Variants in SEMG1 observed in about 807,000 individuals in gnomAD.
The protein encoded by SEMG1 is semenogelin-1.
A neutral mutation model predicts 8.8 loss-of-function variants in SEMG1; 6 were observed. The ratio of observed to expected loss-of-function variants is 0.68; its 90% CI spans 0.37 to 1.35. The LOEUF is 1.35. Ranked by LOEUF, SEMG1 falls within the 40% of genes most tolerant of loss-of-function variation. The probability of loss-of-function intolerance (pLI) is 0.02; values close to 1 mark genes in which losing one functional copy is unlikely to be tolerated. For missense variants in SEMG1, 580 were observed against 533.6 expected, an observed-to-expected ratio of 1.09 and a Z score of -0.86; for synonymous variants, 221 against 190.3, an observed-to-expected ratio of 1.16 and a Z score of -1.33.
At position 45,208,546 on chromosome 20, in the gene SEMG1, C is replaced by A; in HGVS notation, c.1249C>A (p.Leu417Ile). Residue 417 changes from leucine to isoleucine, a missense_variant, in exon 2 of 3, where the codon CTA (leucine) becomes ATA (isoleucine). Coordinates refer to ENST00000372781, the MANE Select transcript of SEMG1 (RefSeq NM_003007.5). Reference protein sequence around the residue: ...SGQSTNREQDLLSHEQKGRHQ... With the variant: ...SGQSTNREQDILSHEQKGRHQ... ...CCAATCTACAAATAGAGAACAAGAC[C>A]TACTCAGTCATGAACAAAAAGGCAG... 6 of 1,613,946 alleles carry A rather than the reference C, an allele frequency of 3.7e-6. No homozygotes were observed. Among genetic ancestry groups the A allele is most frequent in the Non-Finnish European group, 5.1e-6 (6 of 1,179,916 alleles).
In SEMG1 at chr20:45,209,680, T is replaced by TGTC. The variant is rs1983800810; in HGVS notation, c.*125_*126insTCG. The TGTC allele has an allele frequency of 1.3e-5, 2 of 152,324 alleles. No individual in the cohort carries two copies. The highest frequency in any genetic ancestry group is 4.1e-4 in the South Asian group (2 of 4,828). The allele number at this position is 152,324 out of a possible 1,614,324, so 9.4% of individuals were successfully genotyped here. On this transcript the variant is annotated 3_prime_UTR_variant, in exon 3 of 3. Transcript: ENST00000372781. Reference sequence around the variant, plus strand: ...TAGTTTCAGATTCTTGGTCCATGGATGACACCACCTGCCCATGCTTCCTTG... The same window carrying TGTC: ...TAGTTTCAGATTCTTGGTCCATGGATGTCGACACCACCTGCCCATGCTTCCTTG...
chr20:45,208,386 T>C lies in SEMG1; in HGVS notation c.1089T>C (p.Asn363=), dbSNP rs1983761894. 1 of 1,613,058 alleles carries C rather than the reference T, an allele frequency of 6.2e-7. No homozygotes were observed. Among genetic ancestry groups the C allele is most frequent in the Admixed American group, 1.7e-5 (1 of 59,910 alleles). The part of the protein sequence containing the change: ...TEERRLHYGE[N]GVQKDVSQRS... ...AAAGACGACTCCACTATGGAGAAAA[T>C]GGTGTGCAGAAAGATGTATCCCAAC... The change falls in exon 2 of 3, where the codon AAT becomes AAC. Residue 363 remains asparagine, a synonymous_variant. Coordinates refer to ENST00000372781, the MANE Select transcript of SEMG1 (RefSeq NM_003007.5).
Position 45,207,687 on chromosome 20 carries a change from T to C in SEMG1, c.390T>C (p.His130=), listed in dbSNP as rs1474784120. 4 of 1,613,754 alleles carry C rather than the reference T, an allele frequency of 2.5e-6. No individual in the cohort carries two copies. The African/African-American group carries it at 5.3e-5, about 22-fold the overall frequency. Residue 130 remains histidine (H), a synonymous_variant, in exon 2 of 3, where the codon CAT becomes CAC. Coordinates refer to ENST00000372781, the MANE Select transcript of SEMG1 (RefSeq NM_003007.5). Reference sequence around the variant, plus strand: ...ATTTTCACAGGGTAGTTATACACCATAAAGGAGGCAAAGCTCATCGTGGGA... The same window carrying C: ...ATTTTCACAGGGTAGTTATACACCACAAAGGAGGCAAAGCTCATCGTGGGA... The part of the protein sequence containing the change: ...KGHFHRVVIH[H]KGGKAHRGTQ...
chr20:45,208,161 C>T lies in SEMG1; in HGVS notation c.864C>T (p.Tyr288=), dbSNP rs1983751238. 1 of 1,614,006 alleles carries T rather than the reference C, an allele frequency of 6.2e-7. No individual in the cohort carries two copies. The highest frequency in any genetic ancestry group is 8.5e-7 in the Non-Finnish European group (1 of 1,179,982). ...QHGRKANKIS[Y]QSSSTEERRL... ...GCCGAAAGGCAAATAAAATATCATA[C>T]CAATCTTCAAGTACAGAAGAAAGAC... The change falls in exon 2 of 3, where the codon TAC becomes TAT. Residue 288 remains tyrosine (Y), a synonymous_variant. Transcript: ENST00000372781.
rs569714634 is a variant in SEMG1 at position 45,207,293 on chromosome 20, G to A, written c.77-81G>A. 16 of 1,450,098 alleles carry A rather than the reference G, an allele frequency of 1.1e-5. No homozygotes were observed. The African/African-American group carries it at 1.4e-4, about 13-fold the overall frequency. 89.8% of individuals were successfully genotyped at this position (1,450,098 alleles called of 1,614,324 possible). A position where few individuals can be genotyped will look rare whatever the true frequency, so the allele number is the denominator to read the frequency against. On this transcript the variant is annotated intron_variant, in intron 1 of 2. Coordinates refer to ENST00000372781, the MANE Select transcript of SEMG1 (RefSeq NM_003007.5). ...GCTTTTCTAGAAATATCAATAATTTGTTGGGGGAAAAGTGGGGGGTAAGAG... is the reference window on the plus strand; with the variant it reads ...GCTTTTCTAGAAATATCAATAATTTATTGGGGGAAAAGTGGGGGGTAAGAG...
At position 45,208,146 on chromosome 20, in the gene SEMG1, A is replaced by G. The variant is rs1481607506; in HGVS notation, c.849A>G (p.Ala283=). The part of the protein sequence containing the change: ...LNQDQQHGRK[A]NKISYQSSST... ...AAGATCAACAGCATGGCCGAAAGGC[A>G]AATAAAATATCATACCAATCTTCAA... The change falls in exon 2 of 3, where the codon GCA becomes GCG. Residue 283 remains alanine (A), a synonymous_variant. Transcript: ENST00000372781. The G allele has an allele frequency of 2.5e-6, 4 of 1,614,022 alleles. No homozygotes were observed. The highest frequency in any genetic ancestry group is 1.7e-5 in the Admixed American group (1 of 59,972).
intron 2 of SEMG1, 144 bp downstream of exon 2, chr20:45,208,874 C>T (rs548428677): frequency 6.0e-6 from 3 of 496,732 alleles, no homozygotes; most frequent in African/African-American, 3.9e-5. Context: ...ATGAGCCTCC[C>T]CATTCCCTGG....
rs1046123415 is a variant in SEMG1 at position 45,207,135 on chromosome 20, T to C, written c.76+6T>C. ...AGCTGTGATGGGACAAAAAGGTGAGTGGAGAGGGTAAGCCTTGGGGAAAGC... is the reference window on the plus strand; with the variant it reads ...AGCTGTGATGGGACAAAAAGGTGAGCGGAGAGGGTAAGCCTTGGGGAAAGC... On this transcript the variant is annotated splice_donor_region_variant and intron_variant, in intron 1 of 2. Coordinates refer to ENST00000372781, the MANE Select transcript of SEMG1 (RefSeq NM_003007.5). The C allele has an allele frequency of 2.5e-6, 4 of 1,613,262 alleles. No homozygotes were observed. Among genetic ancestry groups the C allele is most frequent in the Admixed American group, 3.3e-5 (2 of 59,900 alleles).
chr20:45,208,150 A>T lies in SEMG1; in HGVS notation c.853A>T (p.Lys285Ter). Residue 285 changes from lysine to a stop codon, truncating the protein, a stop_gained, in exon 2 of 3, where the codon AAA (lysine) becomes TAA (stop). Coordinates refer to ENST00000372781, the MANE Select transcript of SEMG1 (RefSeq NM_003007.5). LOFTEE classifies it low-confidence loss of function (END_TRUNC). ...QDQQHGRKAN[K>*]ISYQSSSTEE... ...TCAACAGCATGGCCGAAAGGCAAAT[A>T]AAATATCATACCAATCTTCAAGTAC... 6.2e-7 allele frequency: 1 copy of T among 1,614,140 alleles called. No individual in the cohort carries two copies. Among genetic ancestry groups the T allele is most frequent in the Non-Finnish European group, 8.5e-7 (1 of 1,180,016 alleles).
Position 45,208,075 on chromosome 20 carries a change from C to G in SEMG1, c.778C>G (p.Leu260Val). The G allele has an allele frequency of 6.2e-7, 1 of 1,614,012 alleles. No individual in the cohort carries two copies. Among genetic ancestry groups the G allele is most frequent in the Non-Finnish European group, 8.5e-7 (1 of 1,179,956 alleles). ...SKDIFSTQDE[L>V]LVYNKNQHQT... ...AGACATTTTTTCTACCCAAGATGAG[C>G]TCCTAGTATATAACAAGAATCAACA... is the stretch of plus-strand genomic sequence containing the variant. Residue 260 changes from leucine to valine, a missense_variant, in exon 2 of 3, where the codon CTC becomes GTC. Transcript: ENST00000372781.
In SEMG1 at chr20:45,208,088, A is replaced by T; in HGVS notation, c.791A>T (p.Asn264Ile). 1 of 1,614,162 alleles carries T rather than the reference A, an allele frequency of 6.2e-7. No individual in the cohort carries two copies. Among genetic ancestry groups the T allele is most frequent in the South Asian group, 1.1e-5 (1 of 91,078 alleles). ...FSTQDELLVYNKNQHQTKNLN... is the reference protein window; with the variant it reads ...FSTQDELLVYIKNQHQTKNLN... ...ACCCAAGATGAGCTCCTAGTATATA[A>T]CAAGAATCAACACCAGACAAAAAAT... Residue 264 changes from asparagine (N) to isoleucine (I), a missense_variant, in exon 2 of 3, where the codon AAC becomes ATC. Transcript: ENST00000372781.
At chr20:45,208,769 A>G (rs1983778472) in intron 2 of SEMG1, 39 bp downstream of exon 2, 2 of 926,074 alleles carry the variant, frequency 2.2e-6, no homozygotes, top group Non-Finnish European at 1.7e-6. Context: ...TATCTCTCTC[A>G]TTGTTTAGAA....
intron 1 of SEMG1, 113 bp from the exon 2 acceptor site, chr20:45,207,261 A>G: frequency 6.8e-7 from 1 of 1,472,250 alleles, no homozygotes; most frequent in Non-Finnish European, 9.2e-7. Context: ...CTCCACCCAA[A>G]GCTTCAGCTT....
At position 45,208,455 on chromosome 20, in the gene SEMG1, T is replaced by C; in HGVS notation, c.1158T>C (p.Ser386=). The C allele has an allele frequency of 6.2e-7, 1 of 1,613,980 alleles. No homozygotes were observed. Among genetic ancestry groups the C allele is most frequent in the Non-Finnish European group, 8.5e-7 (1 of 1,179,970 alleles). ...CTGAAAAGCTAGTAGCAGGCAAGTC[T>C]CAAATCCAGGCACCAAATCCTAAGC... ...SQTEKLVAGK[S]QIQAPNPKQE... is the part of the protein sequence containing the mutation. The change falls in exon 2 of 3, where the codon TCT becomes TCC. Residue 386 remains serine (S), a synonymous_variant. Transcript: ENST00000372781.
In SEMG1 at chr20:45,207,820, C is replaced by A. The variant is rs1033416573; in HGVS notation, c.523C>A (p.Gln175Lys). ...GTGGGTTCATGGACTAAGTAAAGAA[C>A]AAACTTCCGTCTCTGGTGCACAAAA... is the stretch of plus-strand genomic sequence containing the variant. ...RLWVHGLSKE[Q>K]TSVSGAQKGR... is the part of the protein sequence containing the mutation. The change falls in exon 2 of 3, where the codon CAA becomes AAA. Residue 175 changes from glutamine (Q) to lysine (K), a missense_variant. Transcript: ENST00000372781. 13 of 1,613,852 alleles carry A rather than the reference C, an allele frequency of 8.1e-6. No homozygotes were observed. Among genetic ancestry groups the A allele is most frequent in the Non-Finnish European group, 1.0e-5 (12 of 1,179,950 alleles).
In SEMG1 at chr20:45,208,591, G is replaced by A; in HGVS notation, c.1294G>A (p.Gly432Arg). The A allele has an allele frequency of 6.2e-7, 1 of 1,613,952 alleles. No homozygotes were observed. The highest frequency in any genetic ancestry group is 8.5e-7 in the Non-Finnish European group (1 of 1,179,854). ...AGGCAGACACCAACATGGATCTCAT[G>A]GGGGATTGGATATTGTAATTATAGA... ...QKGRHQHGSH[G>R]GLDIVIIEQE... is the part of the protein sequence containing the mutation. The change falls in exon 2 of 3, where the codon GGG becomes AGG. Residue 432 changes from glycine to arginine, a missense_variant. Coordinates refer to ENST00000372781, the MANE Select transcript of SEMG1 (RefSeq NM_003007.5).
intron 1 of SEMG1, 59 bp from the exon 2 acceptor site, chr20:45,207,315 A>C: frequency 6.8e-7 from 1 of 1,465,806 alleles, no homozygotes; most frequent in Non-Finnish European, 9.3e-7. Flanking sequence ...GTGGGGGGTA[A>C]GAGTTGTAAG....
Position 45,208,081 on chromosome 20 carries a change from G to C in SEMG1, c.784G>C (p.Val262Leu). 6.2e-7 allele frequency: 1 copy of C among 1,613,932 alleles called. No individual in the cohort carries two copies. The highest frequency in any genetic ancestry group is 8.5e-7 in the Non-Finnish European group (1 of 1,179,936). The change falls in exon 2 of 3, where the codon GTA becomes CTA. Residue 262 changes from valine (V) to leucine (L), a missense_variant. Val to Leu is a conservative substitution (Grantham distance 32, BLOSUM62 1). Transcript: ENST00000372781. ...DIFSTQDELL[V>L]YNKNQHQTKN... ...TTTTTCTACCCAAGATGAGCTCCTAGTATATAACAAGAATCAACACCAGAC... is the reference window on the plus strand; with the variant it reads ...TTTTTCTACCCAAGATGAGCTCCTACTATATAACAAGAATCAACACCAGAC...
chr20:45,207,397 A>C lies in SEMG1; in HGVS notation c.100A>C (p.Ser34Arg), dbSNP rs1232335088. 1.2e-6 allele frequency: 2 copies of C among 1,611,334 alleles called. No homozygotes were observed. The highest frequency in any genetic ancestry group is 1.7e-5 in the Admixed American group (1 of 59,484). Residue 34 changes from serine to arginine, a missense_variant, in exon 2 of 3, where the codon AGT becomes CGT. Coordinates refer to ENST00000372781, the MANE Select transcript of SEMG1 (RefSeq NM_003007.5). ...QKGGSKGRLP[S>R]EFSQFPHGQK... is the part of the protein sequence containing the mutation. Reference sequence around the variant, plus strand: ...AGGTGGATCAAAAGGCCGATTACCAAGTGAATTTTCCCAATTTCCACACGG... The same window carrying C: ...AGGTGGATCAAAAGGCCGATTACCACGTGAATTTTCCCAATTTCCACACGG...
Sources: gnomAD v4.1 joint callset for allele counts on GRCh38, gnomAD v4.1.1 for gene constraint, MANE v1.5 for transcripts, NCBI Gene and HGNC (gene_info 2026-07-23, HGNC 2026-07-21) for gene names.